The following PDE6B variants were observed in gnomAD, a reference collection of about 807,000 sequenced individuals.
The protein encoded by PDE6B is rod cGMP-specific 3',5'-cyclic phosphodiesterase subunit beta.
Under a neutral mutation model 109.0 loss-of-function variants are expected in PDE6B, and 106 were observed. The observed-to-expected ratio is 0.97, with a 90% confidence interval of 0.83 to 1.14. The LOEUF is 1.14. PDE6B is among the 50% of genes most tolerant of loss of function. The probability of loss-of-function intolerance (pLI) is 0.00; values close to 1 mark genes in which losing one functional copy is unlikely to be tolerated. For missense variants in PDE6B, 1,193 were observed against 1,155.6 expected, an observed-to-expected ratio of 1.03 and a Z score of -0.47; for synonymous variants, 490 against 471.3, an observed-to-expected ratio of 1.04 and a Z score of -0.51.
intron 3 of PDE6B, chr4:651,597 A>C (rs1735558908): frequency 6.6e-6 from 1 of 152,026 alleles, no homozygotes; most frequent in African/African-American, 2.4e-5. Context: ...ATCTACAGCG[A>C]GTCTCCTGAG....
At chr4:659,183 G>T (rs1470377286) in intron 11 of PDE6B, among the ~76,000 whole-genome samples, 166 bp downstream of exon 11, 3 of 152,248 alleles carry the variant, frequency 2.0e-5, no homozygotes, top group Non-Finnish European at 4.4e-5. Context: ...GTGTACGTGT[G>T]TGTACATAAG....
chr4:628,775 C>T (rs552759933), intron 1 of PDE6B, among the ~76,000 whole-genome samples: 52 of 152,314 alleles, frequency 3.4e-4, no homozygotes, highest in Admixed American at 2.2e-3. Context: ...GGAGCCCAGG[C>T]GGTGCCAGGC....
chr4:644,750 G>A (rs1263040965), intron 3 of PDE6B, among the ~76,000 whole-genome samples: 1 of 151,732 alleles, frequency 6.6e-6, no homozygotes, highest in Admixed American at 6.6e-5. Context: ...GGTTGGTCTC[G>A]AACTCCCAGC....
Position 666,827 on chromosome 4 carries a change from C to T in PDE6B, c.2352+213C>T, listed in dbSNP as rs1044463619. Among the ~76,000 whole-genome samples, 1 of 152,202 alleles carries T rather than the reference C, an allele frequency of 6.6e-6. No individual in the cohort carries two copies. Among genetic ancestry groups the T allele is most frequent in the African/African-American group, 2.4e-5 (1 of 41,440 alleles). On this transcript the variant is annotated intron_variant, in intron 20 of 21. Coordinates refer to ENST00000496514, the MANE Select transcript of PDE6B (RefSeq NM_000283.4). The surrounding 1 kb of genome is among the most constrained non-coding windows in gnomAD (Gnocchi z 5.6). ...CCACAGGTGCCCCAGCCCATCCTCA[C>T]CCTGCTGTGCCCCTGGAAGCTCTGA... is the stretch of plus-strand genomic sequence containing the variant.
chr4:645,282 C>G (rs1264907924), intron 3 of PDE6B, among the ~76,000 whole-genome samples: 2 of 148,430 alleles, frequency 1.3e-5, no homozygotes, highest in African/African-American at 5.0e-5. Flanking sequence ...TGTATTTAGG[C>G]TAGTCACATT....
At chr4:646,833 G>T (rs572638088) in intron 3 of PDE6B, among the ~76,000 whole-genome samples, 3 of 151,576 alleles carry the variant, frequency 2.0e-5, no homozygotes, top group South Asian at 2.1e-4. Context: ...TTCTAGTAGC[G>T]CCTTTAGCAT....
intron 1 of PDE6B, among the ~76,000 whole-genome samples, chr4:632,328 C>T (rs1577242012): frequency 6.7e-6 from 1 of 149,652 alleles, no homozygotes; most frequent in East Asian, 2.0e-4. Flanking sequence ...TTGTGTGATG[C>T]CATCTGAGGA....
At chr4:658,554 CTGTG>C in intron 10 of PDE6B, among the ~76,000 whole-genome samples, 1 of 152,092 alleles carries the variant, frequency 6.6e-6, no homozygotes. Flanking sequence ...ACAGCTCTCT[CTGTG>C]TGGTGGGGAC....
chr4:639,252 C>T (rs558396325), intron 3 of PDE6B, among the ~76,000 whole-genome samples: 3 of 152,110 alleles, frequency 2.0e-5, no homozygotes, highest in East Asian at 3.9e-4. Flanking sequence ...TCAACAGATC[C>T]TCCTGCCTCA....
intron 1 of PDE6B, among the ~76,000 whole-genome samples, chr4:629,351 ATG>A (rs1734269241): frequency 6.6e-6 from 1 of 152,220 alleles, no homozygotes; most frequent in South Asian, 2.1e-4. Context: ...GGCAGCTGGG[ATG>A]GACGATCCTG....
At position 662,697 on chromosome 4, in the gene PDE6B, A is replaced by C. The variant is rs1218315081; in HGVS notation, c.1832+79A>C. ...TGGCGTGAATTAGGCTTCGCATAGC[A>C]GGCTATGTAGAAAGTGGAGTCCACG... On this transcript the variant is annotated intron_variant, in intron 14 of 21. Transcript: ENST00000496514. The surrounding 1 kb of genome is among the most constrained non-coding windows in gnomAD (Gnocchi z 4.3). The C allele has an allele frequency of 3.2e-6, 3 of 930,242 alleles. No individual in the cohort carries two copies. The highest frequency in any genetic ancestry group is 5.3e-6 in the Non-Finnish European group (3 of 565,386). 57.6% of individuals were successfully genotyped at this position (930,242 alleles called of 1,614,324 possible).
chr4:665,673 A>G lies in PDE6B; in HGVS notation c.2268+344A>G, dbSNP rs1465529648. 6.6e-6 allele frequency among the ~76,000 whole-genome samples: 1 copy of G among 152,110 alleles called. No individual in the cohort carries two copies. The highest frequency in any genetic ancestry group is 1.5e-5 in the Non-Finnish European group (1 of 68,006). On this transcript the variant is annotated intron_variant, in intron 19 of 21. Transcript: ENST00000496514. This position sits in a 1 kb window ranked among gnomAD's most constrained non-coding sequence, Gnocchi z 4.0. ...AGCCCTGGGGAGGGTGCTGGGGCAG[A>G]GAACGCATGGGGGGCGTCCCGGGCC...
intron 21 of PDE6B, among the ~76,000 whole-genome samples, chr4:669,253 C>CCCATGCTATTCCCACTACT: frequency 6.8e-6 from 1 of 147,882 alleles, no homozygotes; most frequent in Non-Finnish European, 1.5e-5. Context: ...CTCCCACTAC[C>CCCATGCTATTCCCACTACT]CCATGCTATT....
At chr4:652,465 G>C in intron 3 of PDE6B, 1 of 983,720 alleles carries the variant, frequency 1.0e-6, no homozygotes, top group South Asian at 4.7e-5. Flanking sequence ...AGGGTGCAAA[G>C]CGTTCGTTAG....
intron 3 of PDE6B, among the ~76,000 whole-genome samples, chr4:643,503 A>T (rs1735042066): frequency 6.6e-6 from 1 of 152,090 alleles, no homozygotes; most frequent in African/African-American, 2.4e-5. Context: ...TCTTTCCTAA[A>T]TGTTTGGTCA....
In PDE6B at chr4:662,273, C is replaced by T. The variant is rs146024529; in HGVS notation, c.1722+32C>T. 3.3e-4 allele frequency: 416 copies of T among 1,255,000 alleles called. 2 individuals are homozygous for T. The African/African-American group carries it at 5.7e-3, about 17-fold the overall frequency. 77.7% of individuals were successfully genotyped at this position (1,255,000 alleles called of 1,614,324 possible). On this transcript the variant is annotated intron_variant, in intron 13 of 21. Transcript: ENST00000496514. This position sits in a 1 kb window ranked among gnomAD's most constrained non-coding sequence, Gnocchi z 4.3. ...GGCTGCCAGAATCACCAGGGTTGTG[C>T]AGGCCCTCCTGGTACCAAGGGCAGC...
Position 633,988 on chromosome 4 carries a change from G to A in PDE6B, c.469-689G>A, listed in dbSNP as rs1026465388. ...GGGCTGCTCTAAATCTGGTGGGAGT[G>A]AGGGTAGGAGTGAGGGTGGGTGGGT... is the stretch of plus-strand genomic sequence containing the variant. On this transcript the variant is annotated intron_variant, in intron 1 of 21. Transcript: ENST00000496514. This position sits in a 1 kb window ranked among gnomAD's most constrained non-coding sequence, Gnocchi z 4.5. Among the ~76,000 whole-genome samples the A allele has an allele frequency of 1.5e-4, 22 of 151,682 alleles. No homozygotes were observed. The highest frequency in any genetic ancestry group is 1.4e-3 in the Admixed American group (21 of 15,262).
intron 1 of PDE6B, among the ~76,000 whole-genome samples, chr4:629,905 C>A (rs561778222): frequency 6.6e-6 from 1 of 152,264 alleles, no homozygotes; most frequent in South Asian, 2.1e-4. Context: ...CTGCTAGAGG[C>A]AGAGCAAATG....
Position 664,068 on chromosome 4 carries a change from CT to C in PDE6B, c.2022-45del, listed in dbSNP as rs35199616. ...TGCAGACGGGCGCTTGGGGCGGGGT[CT>C]CCACACTTGCTCCCACCTGCACCTC... On this transcript the variant is annotated intron_variant, in intron 16 of 21. Coordinates refer to ENST00000496514, the MANE Select transcript of PDE6B (RefSeq NM_000283.4). The C allele has an allele frequency of 0.032, 43,935 of 1,370,696 alleles. 1,243 individuals carry two copies. Among genetic ancestry groups the C allele is most frequent in the African/African-American group, 0.15 (10,571 of 70,270 alleles). The allele number at this position is 1,370,696 out of a possible 1,614,324, so 84.9% of individuals were successfully genotyped here. A position where few individuals can be genotyped will look rare whatever the true frequency, so the allele number is the denominator to read the frequency against.
Sources: gnomAD v4.1 joint callset for allele counts (sites outside exome capture counted in the v4.1 genomes callset) on GRCh38, gnomAD v4.1.1 for gene constraint, Gnocchi (gnomAD v3.1) non-coding constraint, MANE v1.5 for transcripts, NCBI Gene and HGNC (gene_info 2026-07-23, HGNC 2026-07-21) for gene names.